MTCL3: variants seen among roughly 807,000 people sequenced by gnomAD.
MTCL3 encodes the protein MTCL family member 3.
the MTCL3 span, chr6:127,512,939 A>G: frequency 2.5e-6 from 4 of 1,612,380 alleles, no homozygotes; most frequent in South Asian, 1.1e-5. Context: ...TTGCAATTTC[A>G]ACTTCTATGA....
At chr6:127,476,046 C>T in the MTCL3 span, 1 of 1,612,730 alleles carries the variant, frequency 6.2e-7, no homozygotes, top group Non-Finnish European at 8.5e-7. This position sits in a 1 kb window ranked among gnomAD's most constrained non-coding sequence, Gnocchi z 4.4. Flanking sequence ...CCACGTTCCT[C>T]CGCAGCAGCT....
chr6:127,506,123 C>T, the MTCL3 span, among the ~76,000 whole-genome samples: 1 of 152,178 alleles, frequency 6.6e-6, no homozygotes, highest in African/African-American at 2.4e-5. Flanking sequence ...AGTTTCTAGA[C>T]TCCATTATTC....
the MTCL3 span, chr6:127,512,874 A>G: frequency 6.2e-7 from 1 of 1,603,180 alleles, no homozygotes; most frequent in Non-Finnish European, 8.5e-7. Flanking sequence ...TACACCATGA[A>G]ATAATCAAAT....
chr6:127,508,534 A>G, the MTCL3 span, among the ~76,000 whole-genome samples: 1 of 152,200 alleles, frequency 6.6e-6, no homozygotes, highest in Non-Finnish European at 1.5e-5. Flanking sequence ...CTATTTCAGT[A>G]GGCCAGTTAA....
the MTCL3 span, chr6:127,518,652 C>T: frequency 6.6e-6 from 1 of 152,240 alleles, no homozygotes; most frequent in Admixed American, 6.5e-5. Flanking sequence ...CCGGGGATCT[C>T]AGGGTTTATT....
chr6:127,500,458 C>A, the MTCL3 span, among the ~76,000 whole-genome samples: 1 of 152,130 alleles, frequency 6.6e-6, no homozygotes, highest in African/African-American at 2.4e-5. Context: ...AAACTATGAT[C>A]TCAGAATTGT....
the MTCL3 span, among the ~76,000 whole-genome samples, chr6:127,497,818 G>A: frequency 3.3e-5 from 5 of 152,092 alleles, no homozygotes; most frequent in Admixed American, 3.3e-4. Flanking sequence ...AGATAAAATT[G>A]CACTGAGTCA....
the MTCL3 span, chr6:127,475,789 C>T: frequency 6.2e-7 from 1 of 1,611,042 alleles, no homozygotes; most frequent in Non-Finnish European, 8.5e-7. This position sits in a 1 kb window ranked among gnomAD's most constrained non-coding sequence, Gnocchi z 7.3. Flanking sequence ...GCGGGGGCTG[C>T]CGCGGATGCC....
At chr6:127,473,516 C>T in the MTCL3 span, 1 of 615,168 alleles carries the variant, frequency 1.6e-6, no homozygotes, top group Admixed American at 4.5e-5. Context: ...TCCCTTAAGC[C>T]TATATCTATA....
the MTCL3 span, chr6:127,517,760 C>T: frequency 1.4e-4 from 21 of 152,196 alleles, 1 homozygote; most frequent in Non-Finnish European, 2.8e-4. Context: ...TCACTAGCTT[C>T]TTTAATCTGA....
the MTCL3 span, among the ~76,000 whole-genome samples, chr6:127,513,648 A>G: frequency 6.6e-6 from 1 of 152,090 alleles, no homozygotes; most frequent in Non-Finnish European, 1.5e-5. Flanking sequence ...ATATTTTGAG[A>G]TTATCCTGGA....
chr6:127,516,227 C>G, the MTCL3 span: 4 of 1,432,998 alleles, frequency 2.8e-6, no homozygotes, highest in Non-Finnish European at 3.6e-6. Flanking sequence ...GCCAGGGTCG[C>G]GGCGGGGGCC....
chr6:127,513,016 C>G, the MTCL3 span: 1 of 1,611,558 alleles, frequency 6.2e-7, no homozygotes, highest in Non-Finnish European at 8.5e-7. Context: ...TTTTCTAATT[C>G]ATGGTGAAGT....
chr6:127,509,823 A>G, the MTCL3 span, among the ~76,000 whole-genome samples: 2 of 152,254 alleles, frequency 1.3e-5, no homozygotes, highest in African/African-American at 4.8e-5. Context: ...ATTGCAGCTC[A>G]GTTTTAATAT....
chr6:127,498,010 T>A, the MTCL3 span, among the ~76,000 whole-genome samples: 1 of 152,142 alleles, frequency 6.6e-6, no homozygotes, highest in African/African-American at 2.4e-5. Context: ...AGAAAAAACA[T>A]TGAAGTGAAT....
the MTCL3 span, among the ~76,000 whole-genome samples, chr6:127,479,242 A>AT: frequency 6.6e-6 from 1 of 152,184 alleles, no homozygotes; most frequent in South Asian, 2.1e-4. Context: ...GTAAGCTGTC[A>AT]TGGCACTGGT....
chr6:127,505,017 C>T, the MTCL3 span, among the ~76,000 whole-genome samples: 1 of 152,040 alleles, frequency 6.6e-6, no homozygotes, highest in Admixed American at 6.6e-5. Flanking sequence ...CATTCAACAC[C>T]CTGGTTTATT....
chr6:127,494,791 GGTAA>G, the MTCL3 span, among the ~76,000 whole-genome samples: 2 of 152,126 alleles, frequency 1.3e-5, no homozygotes, highest in Non-Finnish European at 2.9e-5. Context: ...AAGCCAACAT[GGTAA>G]GTGCTTCTTT....
the MTCL3 span, among the ~76,000 whole-genome samples, chr6:127,507,327 A>G: frequency 6.6e-6 from 1 of 152,158 alleles, no homozygotes; most frequent in Non-Finnish European, 1.5e-5. Context: ...GATCAACAAC[A>G]TGAGGGTGTG....
Sources: gnomAD v4.1 joint callset for allele counts (sites outside exome capture counted in the v4.1 genomes callset) on GRCh38, gnomAD v4.1.1 for gene constraint, Gnocchi (gnomAD v3.1) non-coding constraint, MANE v1.5 for transcripts, NCBI Gene and HGNC (gene_info 2026-07-23, HGNC 2026-07-21) for gene names.